Variants in PCDH9 observed in about 807,000 individuals in gnomAD.
PCDH9 encodes the protein protocadherin-9.
PCDH9 carries 24 observed loss-of-function variants against 70.6 expected under a neutral mutation model. The observed-to-expected ratio is 0.34, with a 90% confidence interval of 0.25 to 0.48. PCDH9 has a LOEUF of 0.48. Ranked by LOEUF, PCDH9 falls within the 20% of genes least tolerant of loss-of-function variation. PCDH9 has a pLI of 0.99. For missense variants in PCDH9, 1,281 were observed against 1,503.6 expected (o/e 0.85, Z 2.45); for synonymous variants, 562 against 558.5 (o/e 1.01, Z -0.09).
At chr13:66,329,860 G>C (rs1308913914) in intron 4 of PCDH9, among the ~76,000 whole-genome samples, 1 of 152,072 alleles carries the variant, frequency 6.6e-6, no homozygotes, top group African/African-American at 2.4e-5. Context: ...TCATAGCTTA[G>C]CCAAAATCTA....
intron 2 of PCDH9, among the ~76,000 whole-genome samples, chr13:67,068,946 A>C (rs2085705081): frequency 6.6e-6 from 1 of 152,042 alleles, no homozygotes; most frequent in African/African-American, 2.4e-5. Context: ...TGAATTAAAA[A>C]TTGTCATCCT....
At chr13:66,794,977 G>GCACACACACACACACA (rs71107002) in intron 3 of PCDH9, among the ~76,000 whole-genome samples, 51 of 147,280 alleles carry the variant, frequency 3.5e-4, no homozygotes, top group Non-Finnish European at 5.2e-4. Context: ...ACACACACAG[G>GCACACACACACACACA]CACACACACA....
At chr13:66,593,937 GTT>G (rs59279006) in intron 4 of PCDH9, among the ~76,000 whole-genome samples, 6 of 151,106 alleles carry the variant, frequency 4.0e-5, no homozygotes, top group African/African-American at 1.5e-4. Context: ...TATATATAAA[GTT>G]TTTTTATAGT....
intron 4 of PCDH9, chr13:66,323,433 TA>T (rs887227724): frequency 3.3e-5 from 5 of 152,070 alleles, no homozygotes; most frequent in African/African-American, 1.2e-4. Context: ...TAATAAGCAA[TA>T]AAAATATATG....
intron 3 of PCDH9, among the ~76,000 whole-genome samples, chr13:66,794,052 T>TA (rs2080201208): frequency 2.0e-5 from 3 of 152,174 alleles, no homozygotes; most frequent in Admixed American, 2.0e-4. Context: ...GACATAAAGG[T>TA]AACTGAAGAA....
Position 66,775,725 on chromosome 13 carries a change from T to C in PCDH9, c.3138+127779A>G, listed in dbSNP as rs190114790. The stretch of plus-strand genomic sequence containing the variant: ...GTACACAATATGTGTTAATTAAATT[T>C]TTAAGCCATTGATAAGGCTTCAGGT... On this transcript the variant is annotated intron_variant, in intron 3 of 4. Transcript: ENST00000377865. Among the ~76,000 whole-genome samples, 322 of 152,326 alleles carry C rather than the reference T, an allele frequency of 2.1e-3. 1 individual carries two copies. Among genetic ancestry groups the C allele is most frequent in the Non-Finnish European group, 3.7e-3 (251 of 68,022 alleles).
At chr13:66,652,628 T>C (rs1487564207) in intron 3 of PCDH9, among the ~76,000 whole-genome samples, 1 of 151,792 alleles carries the variant, frequency 6.6e-6, no homozygotes, top group Non-Finnish European at 1.5e-5. Context: ...AAAACAATTT[T>C]AAAAAGTCCT....
intron 4 of PCDH9, among the ~76,000 whole-genome samples, chr13:66,556,858 C>T (rs1201959791): frequency 6.6e-6 from 1 of 151,964 alleles, no homozygotes; most frequent in South Asian, 2.1e-4. Flanking sequence ...CAACAAGGAG[C>T]TAGATAGAAC....
At chr13:66,763,108 G>C (rs1346362830) in intron 3 of PCDH9, among the ~76,000 whole-genome samples, 1 of 151,556 alleles carries the variant, frequency 6.6e-6, no homozygotes, top group Non-Finnish European at 1.5e-5. Context: ...TGGAACTATG[G>C]GTTCCCAGCT....
intron 4 of PCDH9, among the ~76,000 whole-genome samples, chr13:66,564,154 G>A (rs565759746): frequency 1.3e-5 from 2 of 152,086 alleles, no homozygotes; most frequent in South Asian, 2.1e-4. Flanking sequence ...TTGTTTCAAT[G>A]TTTTATGGGA....
chr13:66,760,024 A>G (rs546021059), intron 3 of PCDH9, among the ~76,000 whole-genome samples: 5 of 152,266 alleles, frequency 3.3e-5, no homozygotes, highest in African/African-American at 1.2e-4. Flanking sequence ...CAATTCTTAC[A>G]GATGTGGTGG....
chr13:66,797,835 TC>T (rs1566200884), intron 3 of PCDH9, among the ~76,000 whole-genome samples: 2 of 152,218 alleles, frequency 1.3e-5, no homozygotes, highest in East Asian at 1.9e-4. Context: ...TAAAGCCTTT[TC>T]CTAGCTAAGC....
chr13:67,051,324 G>T (rs260166), intron 2 of PCDH9, among the ~76,000 whole-genome samples: 58,470 of 150,602 alleles, frequency 0.39, 11,975 homozygotes, highest in African/African-American at 0.5. Flanking sequence ...TGGGAGGTGG[G>T]TCTGCATGAT....
rs1593771497 is a variant in PCDH9 at position 66,304,925 on chromosome 13, C to T, written c.3444G>A (p.Leu1148=). 6.2e-7 allele frequency: 1 copy of T among 1,613,504 alleles called. No individual in the cohort carries two copies. The highest frequency in any genetic ancestry group is 1.7e-5 in the Admixed American group (1 of 59,882). Residue 1148 remains leucine, a synonymous_variant, in exon 5 of 5, where the codon TTG becomes TTA. Coordinates refer to ENST00000377865, the MANE Select transcript of PCDH9 (RefSeq NM_203487.3). ...HSDNCWMPPG[L]GPYQHPKSPL... Reference sequence around the variant, plus strand: ...GAGATTTGGGGTGTTGATATGGACCCAAGCCAGGAGGCATCCAGCAATTAT... The same window carrying T: ...GAGATTTGGGGTGTTGATATGGACCTAAGCCAGGAGGCATCCAGCAATTAT...
intron 3 of PCDH9, among the ~76,000 whole-genome samples, chr13:66,681,886 A>C (rs1302509697): frequency 1.3e-5 from 2 of 149,212 alleles, no homozygotes; most frequent in South Asian, 2.1e-4. Context: ...ATATCTGTGG[A>C]GTCATGTTGA....
intron 4 of PCDH9, among the ~76,000 whole-genome samples, chr13:66,386,306 T>C (rs1956928824): frequency 6.6e-6 from 1 of 152,162 alleles, no homozygotes; most frequent in Admixed American, 6.5e-5. Flanking sequence ...GTTTGCTTTT[T>C]GGTGTTTTAT....
chr13:66,754,464 T>G (rs907838130), intron 3 of PCDH9, among the ~76,000 whole-genome samples: 1 of 152,074 alleles, frequency 6.6e-6, no homozygotes, highest in African/African-American at 2.4e-5. Flanking sequence ...TGTGTGTGTG[T>G]GACATTGTAG....
intron 2 of PCDH9, among the ~76,000 whole-genome samples, chr13:66,988,680 A>G (rs1295171354): frequency 6.6e-6 from 1 of 152,014 alleles, no homozygotes; most frequent in African/African-American, 2.4e-5. Context: ...GGAAATAATT[A>G]GTGGAAATTA....
At chr13:66,308,265 A>G (rs1172976311) in intron 4 of PCDH9, among the ~76,000 whole-genome samples, 2 of 152,062 alleles carry the variant, frequency 1.3e-5, no homozygotes, top group Non-Finnish European at 2.9e-5. Flanking sequence ...TACAGTTACA[A>G]TTTTATGTAC....
Sources: gnomAD v4.1 joint callset for allele counts (sites outside exome capture counted in the v4.1 genomes callset) on GRCh38, gnomAD v4.1.1 for gene constraint, MANE v1.5 for transcripts, NCBI Gene and HGNC (gene_info 2026-07-23, HGNC 2026-07-21) for gene names.